Variants in DAP observed in about 807,000 individuals in gnomAD.
DAP encodes death-associated protein 1.
A neutral mutation model predicts 13.8 loss-of-function variants in DAP; 8 were observed. The ratio of observed to expected loss-of-function variants is 0.58; its 90% CI spans 0.34 to 1.05. The LOEUF is 1.05. Among genes scored for constraint, DAP ranks in the 50% least tolerant of loss-of-function variants. DAP has a pLI of 0.03. For synonymous variants in DAP, 47 were observed against 47.5 expected (o/e 0.99, Z 0.04); for missense variants, 106 against 133.2 (o/e 0.80, Z 1.01).
chr5:10,741,845 G>C (rs1255715578), intron 2 of DAP, among the ~76,000 whole-genome samples: 1 of 152,234 alleles, frequency 6.6e-6, no homozygotes, highest in African/African-American at 2.4e-5. Flanking sequence ...CCCAGCTGAG[G>C]CTGAAGGTGG....
chr5:10,698,935 T>TA lies in DAP; in HGVS notation c.153-15365dup, dbSNP rs1047919132. On this transcript the variant is annotated intron_variant, in intron 2 of 3. Coordinates refer to ENST00000230895, the MANE Select transcript of DAP (RefSeq NM_004394.3). Reference sequence around the variant, plus strand: ...CCCAATCAGGTCTGTTTATTCAAATTAAAAAAAATGAAATTTGCTTAGTTC... The same window carrying TA: ...CCCAATCAGGTCTGTTTATTCAAATTAAAAAAAAATGAAATTTGCTTAGTTC... Among the ~76,000 whole-genome samples, 12 of 152,154 alleles carry TA rather than the reference T, an allele frequency of 7.9e-5. No homozygotes were observed. The East Asian group carries it at 1.2e-3, about 15-fold the overall frequency.
chr5:10,693,523 T>C (rs1021671114), intron 2 of DAP, among the ~76,000 whole-genome samples: 7 of 152,236 alleles, frequency 4.6e-5, no homozygotes, highest in African/African-American at 1.7e-4. Flanking sequence ...TTAGAAGTGC[T>C]GTATCTAACT....
chr5:10,749,793 G>A (rs144381192), intron 1 of DAP, among the ~76,000 whole-genome samples: 4 of 147,760 alleles, frequency 2.7e-5, no homozygotes, highest in African/African-American at 1.0e-4. Context: ...CCTCCATCAG[G>A]GCTACAGTGT....
intron 2 of DAP, among the ~76,000 whole-genome samples, chr5:10,725,553 G>A (rs2126662306): frequency 6.6e-6 from 1 of 152,344 alleles, no homozygotes; most frequent in Admixed American, 6.5e-5. Flanking sequence ...CACAAAGCTT[G>A]AGTTGACAAT....
chr5:10,681,361 GGGCCCACCAGCGCCCCT>G (rs146421520), intron 3 of DAP, among the ~76,000 whole-genome samples, 192 bp from the exon 4 acceptor site: 35,515 of 149,590 alleles, frequency 0.24, 4,258 homozygotes, highest in Middle Eastern at 0.37. Context: ...CCCCAGGCCA[GGGCCCACCAGCGCCCCT>G]GCAGGAAGCA....
intron 2 of DAP, among the ~76,000 whole-genome samples, chr5:10,743,635 C>A (rs2126675406): frequency 1.3e-5 from 2 of 152,240 alleles, no homozygotes; most frequent in South Asian, 4.2e-4. Context: ...TCTAGTGAAC[C>A]CTGACTCCTA....
chr5:10,715,013 C>T (rs1193419697), intron 2 of DAP, among the ~76,000 whole-genome samples: 1 of 152,144 alleles, frequency 6.6e-6, no homozygotes, highest in Non-Finnish European at 1.5e-5. Flanking sequence ...CAGGTATTTG[C>T]ACTGCTATAG....
chr5:10,688,701 A>G (rs992413295), intron 2 of DAP, among the ~76,000 whole-genome samples: 9 of 151,738 alleles, frequency 5.9e-5, no homozygotes, highest in African/African-American at 2.2e-4. Context: ...CAACTGCTGA[A>G]TGGCCATGGA....
chr5:10,681,793 C>A (rs925025686), intron 3 of DAP, among the ~76,000 whole-genome samples: 2 of 149,952 alleles, frequency 1.3e-5, no homozygotes, highest in Non-Finnish European at 3.0e-5. Flanking sequence ...AGAGTCCCTG[C>A]AGGAAGGATG....
At chr5:10,741,262 A>G (rs779159307) in intron 2 of DAP, among the ~76,000 whole-genome samples, 23 of 152,184 alleles carry the variant, frequency 1.5e-4, no homozygotes, top group Non-Finnish European at 2.9e-4. Context: ...CAGAGGTGGG[A>G]GGACTGCTTG....
chr5:10,697,273 C>G (rs773118350), intron 2 of DAP, among the ~76,000 whole-genome samples: 4 of 152,182 alleles, frequency 2.6e-5, no homozygotes, highest in Non-Finnish European at 5.9e-5. Flanking sequence ...ACATGGTTAG[C>G]TCGTTACAAG....
intron 2 of DAP, among the ~76,000 whole-genome samples, chr5:10,684,469 C>T (rs5745284): frequency 1.7e-3 from 262 of 152,290 alleles, no homozygotes; most frequent in East Asian, 0.011. Context: ...CAAAGCAGTA[C>T]AGCTCAGTGT....
At chr5:10,719,028 A>T (rs538648796) in intron 2 of DAP, among the ~76,000 whole-genome samples, 7 of 152,216 alleles carry the variant, frequency 4.6e-5, no homozygotes, top group African/African-American at 1.7e-4. Context: ...CACGCCAGAG[A>T]ATGAAAAATC....
intron 1 of DAP, among the ~76,000 whole-genome samples, chr5:10,758,205 C>A (rs62336801): frequency 3.1e-3 from 455 of 145,788 alleles, no homozygotes; most frequent in Non-Finnish European, 5.0e-3. Context: ...TAGTGGGCCG[C>A]CTTTTTTTTT....
chr5:10,690,599 T>C lies in DAP; in HGVS notation c.153-7028A>G, dbSNP rs150695116. ...GCTTATTCCATCTAGCATAATATTG[T>C]CAAGGTTCATTTATGTTGCAGAATG... On this transcript the variant is annotated intron_variant, in intron 2 of 3. Transcript: ENST00000230895. Among the ~76,000 whole-genome samples the C allele has an allele frequency of 3.3e-5, 5 of 152,348 alleles. No homozygotes were observed. In the East Asian group the frequency reaches 9.7e-4, roughly 29 times the overall value.
Position 10,683,348 on chromosome 5 carries a change from C to T in DAP, c.195+181G>A, listed in dbSNP as rs1234617901. On this transcript the variant is annotated intron_variant, in intron 3 of 3. Coordinates refer to ENST00000230895, the MANE Select transcript of DAP (RefSeq NM_004394.3). ...GGAAAGGTAAAGGATGCGAGTCTGGCCTGCGGTCTGCAGAAGCAGCCTCTG... is the reference window on the plus strand; with the variant it reads ...GGAAAGGTAAAGGATGCGAGTCTGGTCTGCGGTCTGCAGAAGCAGCCTCTG... The T allele has an allele frequency of 4.1e-6, 3 of 724,546 alleles. No individual in the cohort carries two copies. In the Admixed American group the frequency reaches 7.0e-5, roughly 17 times the overall value. The allele number at this position is 724,546 out of a possible 1,614,324, so 44.9% of individuals were successfully genotyped here.
At chr5:10,695,827 T>C (rs1476000111) in intron 2 of DAP, among the ~76,000 whole-genome samples, 1 of 152,194 alleles carries the variant, frequency 6.6e-6, no homozygotes, top group Non-Finnish European at 1.5e-5. Flanking sequence ...CACAGATATT[T>C]GGCTAATTGT....
intron 2 of DAP, among the ~76,000 whole-genome samples, chr5:10,731,897 A>T (rs948711084): frequency 8.5e-5 from 13 of 152,214 alleles, no homozygotes; most frequent in African/African-American, 3.1e-4. Flanking sequence ...GAGGGCAGAG[A>T]GGTGGCCCTG....
chr5:10,680,580 CCT>C lies in DAP; in HGVS notation c.*474_*475del. Reference sequence around the variant, plus strand: ...CATTGCTGTTCCCTGCCTCTAAGGTCCTTTATGAGGGGCCGCCCAAACTCATT... The same window carrying C: ...CATTGCTGTTCCCTGCCTCTAAGGTCTTATGAGGGGCCGCCCAAACTCATT... On this transcript the variant is annotated 3_prime_UTR_variant, in exon 4 of 4. Transcript: ENST00000230895. The C allele has an allele frequency of 1.4e-6, 1 of 729,348 alleles. No individual in the cohort carries two copies. The highest frequency in any genetic ancestry group is 1.9e-5 in the South Asian group (1 of 51,574). The allele number at this position is 729,348 out of a possible 1,614,324, so 45.2% of individuals were successfully genotyped here. A position where few individuals can be genotyped will look rare whatever the true frequency, so the allele number is the denominator to read the frequency against.
Sources: allele counts gnomAD v4.1 joint callset (sites outside exome capture counted in the v4.1 genomes callset), GRCh38; gene constraint gnomAD v4.1.1; transcripts MANE v1.5; gene names NCBI Gene and HGNC (gene_info 2026-07-23, HGNC 2026-07-21).